Variants in THSD7B observed in about 807,000 individuals in gnomAD.
The protein encoded by THSD7B is thrombospondin type-1 domain-containing protein 7B.
A neutral mutation model predicts 213.6 loss-of-function variants in THSD7B; 138 were observed. The observed-to-expected ratio is 0.65, with a 90% confidence interval of 0.56 to 0.74. The LOEUF is 0.74. THSD7B is among the 30% of genes least tolerant of loss of function. The pLI is 0.00. For synonymous variants in THSD7B, 742 were observed against 687.0 expected (o/e 1.08, Z -1.25); for missense variants, 1,931 against 1,991.5 (o/e 0.97, Z 0.58).
At chr2:136,876,122 C>T (rs1683523487) in intron 1 of THSD7B, among the ~76,000 whole-genome samples, 1 of 152,162 alleles carries the variant, frequency 6.6e-6, no homozygotes, top group Non-Finnish European at 1.5e-5. Flanking sequence ...AAAGTAGCCT[C>T]TGTGTAGAAC....
intron 2 of THSD7B, among the ~76,000 whole-genome samples, chr2:136,965,456 T>C (rs543086): frequency 0.88 from 133,341 of 152,242 alleles, 58,463 homozygotes; most frequent in Admixed American, 0.9. Context: ...AGCCAAGACC[T>C]GGAGGAGAGG....
At chr2:136,863,744 G>A (rs1418274982) in intron 1 of THSD7B, among the ~76,000 whole-genome samples, 2 of 57,116 alleles carry the variant, frequency 3.5e-5, no homozygotes, top group African/African-American at 1.4e-4. Context: ...GCAGAGAGGA[G>A]TAGATATTTC....
At chr2:137,217,368 C>G (rs1681272630) in intron 7 of THSD7B, among the ~76,000 whole-genome samples, 1 of 152,168 alleles carries the variant, frequency 6.6e-6, no homozygotes. Flanking sequence ...ATTATTATTA[C>G]CAACACATAG....
At chr2:137,064,926 A>G (rs185574295) in intron 3 of THSD7B, among the ~76,000 whole-genome samples, 210 of 151,330 alleles carry the variant, frequency 1.4e-3, no homozygotes, top group African/African-American at 4.9e-3. Flanking sequence ...GTATAACTTG[A>G]AGTCAGGTAA....
At chr2:137,628,042 C>T (rs749103501) in intron 20 of THSD7B, among the ~76,000 whole-genome samples, 13 of 152,254 alleles carry the variant, frequency 8.5e-5, no homozygotes, top group Admixed American at 5.2e-4. Flanking sequence ...CACATGTTAG[C>T]GGTTTAGTTT....
At chr2:137,223,111 G>A (rs1681408042) in intron 7 of THSD7B, among the ~76,000 whole-genome samples, 1 of 152,134 alleles carries the variant, frequency 6.6e-6, no homozygotes, top group African/African-American at 2.4e-5. Flanking sequence ...TTATCATGTG[G>A]GGATAGTCCT....
At chr2:137,224,415 T>A (rs1255232903) in intron 7 of THSD7B, among the ~76,000 whole-genome samples, 1 of 152,178 alleles carries the variant, frequency 6.6e-6, no homozygotes, top group African/African-American at 2.4e-5. Flanking sequence ...CTTGTGTTTG[T>A]TCCTACACAG....
chr2:136,868,962 C>T (rs552692613), intron 1 of THSD7B, among the ~76,000 whole-genome samples: 65 of 152,056 alleles, frequency 4.3e-4, no homozygotes, highest in African/African-American at 1.4e-3. Flanking sequence ...TCAAATGGAA[C>T]GTATTTTCTT....
intron 14 of THSD7B, among the ~76,000 whole-genome samples, chr2:137,446,425 G>C (rs909230095): frequency 6.6e-6 from 1 of 151,956 alleles, no homozygotes; most frequent in Admixed American, 6.6e-5. Context: ...AAGTCTCTGG[G>C]CTTCAATTCT....
chr2:137,444,842 C>T (rs975358092), intron 14 of THSD7B, among the ~76,000 whole-genome samples: 7 of 151,620 alleles, frequency 4.6e-5, no homozygotes, highest in East Asian at 3.9e-4. Flanking sequence ...ACCTACAGAA[C>T]GAGAGAAAAT....
intron 2 of THSD7B, among the ~76,000 whole-genome samples, chr2:137,052,057 C>T (rs1260177551): frequency 2.6e-5 from 4 of 152,140 alleles, no homozygotes; most frequent in Non-Finnish European, 5.9e-5. Context: ...TGCAAAAACA[C>T]AGGCAGAAAA....
intron 15 of THSD7B, among the ~76,000 whole-genome samples, chr2:137,546,466 A>ATATAT (rs1553459025): frequency 4.4e-5 from 1 of 22,694 alleles, no homozygotes; most frequent in African/African-American, 3.6e-4. Flanking sequence ...TATATATAAT[A>ATATAT]TATATATATA....
intron 1 of THSD7B, among the ~76,000 whole-genome samples, chr2:136,826,295 GT>G (rs1682645683): frequency 6.6e-6 from 1 of 152,204 alleles, no homozygotes; most frequent in Non-Finnish European, 1.5e-5. Flanking sequence ...ATCATTTGCA[GT>G]TTTTATCTGT....
intron 1 of THSD7B, among the ~76,000 whole-genome samples, chr2:136,766,843 T>G (rs1456653165): frequency 6.6e-6 from 1 of 152,170 alleles, no homozygotes; most frequent in Non-Finnish European, 1.5e-5. Flanking sequence ...TTTCCCACCC[T>G]CAGACTCCTT....
intron 12 of THSD7B, among the ~76,000 whole-genome samples, chr2:137,358,011 T>C (rs919926525): frequency 1.3e-5 from 2 of 152,228 alleles, no homozygotes; most frequent in Non-Finnish European, 1.5e-5. Context: ...TCTCCTACCT[T>C]GCCTAACACT....
At chr2:137,114,809 C>T (rs987321553) in intron 4 of THSD7B, among the ~76,000 whole-genome samples, 5 of 152,080 alleles carry the variant, frequency 3.3e-5, no homozygotes, top group Admixed American at 6.5e-5. Flanking sequence ...TAGGCTCATT[C>T]GGTTTCCAAC....
intron 19 of THSD7B, among the ~76,000 whole-genome samples, chr2:137,619,218 G>T (rs2104841242): frequency 6.6e-6 from 1 of 152,322 alleles, no homozygotes; most frequent in Non-Finnish European, 1.5e-5. Context: ...ACAGTCTTTG[G>T]ATAAATTGGA....
chr2:137,250,669 CA>C (rs1324929638), intron 10 of THSD7B, among the ~76,000 whole-genome samples: 1 of 152,154 alleles, frequency 6.6e-6, no homozygotes, highest in African/African-American at 2.4e-5. Flanking sequence ...GTGAATGAAA[CA>C]TACAGAAATC....
At chr2:136,971,085 A>G (rs1484190871) in intron 2 of THSD7B, among the ~76,000 whole-genome samples, 3 of 152,208 alleles carry the variant, frequency 2.0e-5, no homozygotes, top group Non-Finnish European at 4.4e-5. Flanking sequence ...AGAGAAATAC[A>G]TGAAATCTGG....
Sources: gnomAD v4.1 joint callset for allele counts (sites outside exome capture counted in the v4.1 genomes callset) on GRCh38, gnomAD v4.1.1 for gene constraint, MANE v1.5 for transcripts, NCBI Gene and HGNC (gene_info 2026-07-23, HGNC 2026-07-21) for gene names.